The following TLN2 variants were observed in gnomAD, a reference collection of about 807,000 sequenced individuals.
The protein encoded by TLN2 is talin-2.
TLN2 carries 118 observed loss-of-function variants against 294.7 expected under a neutral mutation model. That is an observed-to-expected ratio of 0.40 (90% CI 0.34 to 0.47). The LOEUF is 0.47. Among genes scored for constraint, TLN2 ranks in the 20% least tolerant of loss-of-function variants. The pLI is 0.84. For missense variants in TLN2, 3,083 were observed against 3,282.2 expected (o/e 0.94, Z 1.48); for synonymous variants, 1,431 against 1,304.5 (o/e 1.10, Z -2.09).
chr15:62,777,530 CAAA>C (rs5813171), intron 43 of TLN2, among the ~76,000 whole-genome samples: 1 of 135,488 alleles, frequency 7.4e-6, no homozygotes, highest in Non-Finnish European at 1.6e-5. Context: ...GCGAAACTCT[CAAA>C]AAAAAAAAAA....
chr15:62,450,252 G>GC (rs747596573), intron 1 of TLN2, among the ~76,000 whole-genome samples: 4 of 152,174 alleles, frequency 2.6e-5, no homozygotes, highest in Non-Finnish European at 5.9e-5. Flanking sequence ...TGGAGCATGA[G>GC]CGGGGAATTG....
At chr15:62,683,073 T>C (rs1017532690) in intron 11 of TLN2, 1 of 152,238 alleles carries the variant, frequency 6.6e-6, no homozygotes, top group African/African-American at 2.4e-5. Context: ...GAAAGAAATA[T>C]ACTGAAGACA....
chr15:62,474,020 G>A (rs2037643492), intron 1 of TLN2, among the ~76,000 whole-genome samples: 2 of 152,212 alleles, frequency 1.3e-5, no homozygotes, highest in Admixed American at 6.5e-5. Flanking sequence ...CTTGAACCCC[G>A]GAGGCGGAAG....
At chr15:62,391,930 A>T (rs2032123058) in intron 1 of TLN2, among the ~76,000 whole-genome samples, 1 of 152,204 alleles carries the variant, frequency 6.6e-6, no homozygotes. Flanking sequence ...CCGAGTGTAG[A>T]GCGTTCTCCC....
rs1290984348 is a variant in TLN2, at chr15:62,752,358, C to T, written c.4263C>T (p.Leu1421=). 1.2e-6 allele frequency: 2 copies of T among 1,614,000 alleles called. No homozygotes were observed. The highest frequency in any genetic ancestry group is 2.7e-5 in the African/African-American group (2 of 74,890). The change falls in exon 35 of 59, where the codon CTC becomes CTT. Residue 1421 remains leucine (L), a synonymous_variant. Coordinates refer to ENST00000636159, the MANE Select transcript of TLN2 (RefSeq NM_015059.3). ...CACAGAATGCCAAGACCGGAGACCT[C>T]CCTGCCTTTGGGGAATGTGTGGGGA... ...GISQNAKTGD[L]PAFGECVGIA... is the part of the protein sequence containing the mutation.
chr15:62,772,788 G>A (rs534810876), intron 42 of TLN2, among the ~76,000 whole-genome samples: 4 of 151,842 alleles, frequency 2.6e-5, no homozygotes, highest in South Asian at 4.2e-4. Flanking sequence ...TCAGCCTCCC[G>A]GGTAGCTGGT....
intron 1 of TLN2, among the ~76,000 whole-genome samples, chr15:62,492,580 A>G (rs1238908341): frequency 6.6e-6 from 1 of 151,496 alleles, no homozygotes; most frequent in African/African-American, 2.4e-5. Flanking sequence ...AAAAAAAACT[A>G]TTCCAATAAT....
intron 1 of TLN2, among the ~76,000 whole-genome samples, chr15:62,408,339 G>A (rs1333138903): frequency 6.6e-6 from 1 of 152,184 alleles, no homozygotes; most frequent in Non-Finnish European, 1.5e-5. Flanking sequence ...AGAAACACCT[G>A]AATAAATTTT....
intron 50 of TLN2, among the ~76,000 whole-genome samples, chr15:62,804,260 AC>A (rs1224839090): frequency 6.6e-6 from 1 of 152,154 alleles, no homozygotes; most frequent in Non-Finnish European, 1.5e-5. Context: ...ATCCTGGGAA[AC>A]TACAGACACA....
At chr15:62,822,102 C>T (rs2067621138) in intron 54 of TLN2, among the ~76,000 whole-genome samples, 2 of 152,164 alleles carry the variant, frequency 1.3e-5, no homozygotes, top group Admixed American at 1.3e-4. Flanking sequence ...CAATGTCTTT[C>T]CCTTTGTCCT....
chr15:62,716,328 C>G lies in TLN2; in HGVS notation c.2635-3C>G. 6.3e-7 allele frequency: 1 copy of G among 1,590,192 alleles called. No individual in the cohort carries two copies. The highest frequency in any genetic ancestry group is 1.2e-5 in the South Asian group (1 of 86,520). ...CTTGAAATCTTTATTTTTGCCTTTG[C>G]AGGGGGCTGCAGCCAACCCAGAGAA... On this transcript the variant is annotated splice_polypyrimidine_tract_variant and splice_region_variant and intron_variant, in intron 22 of 58. Coordinates refer to ENST00000636159, the MANE Select transcript of TLN2 (RefSeq NM_015059.3).
chr15:62,838,817 G>T, intron 57 of TLN2, 39 bp from the exon 58 acceptor site: 1 of 1,605,520 alleles, frequency 6.2e-7, no homozygotes, highest in Non-Finnish European at 8.5e-7. Flanking sequence ...CCAAATGGCT[G>T]TTTCTAATGA....
At chr15:62,750,051 G>A (rs1418527801) in intron 33 of TLN2, among the ~76,000 whole-genome samples, 1 of 152,200 alleles carries the variant, frequency 6.6e-6, no homozygotes, top group Admixed American at 6.5e-5. Flanking sequence ...TTATCCTGCT[G>A]AGAAGTTGTG....
intron 3 of TLN2, among the ~76,000 whole-genome samples, chr15:62,635,968 A>G (rs1567229606): frequency 6.6e-6 from 1 of 151,628 alleles, no homozygotes; most frequent in African/African-American, 2.4e-5. Context: ...TCACATGACT[A>G]CTCTGTTTTG....
At chr15:62,667,642 G>A (rs542647103) in intron 9 of TLN2, among the ~76,000 whole-genome samples, 124 of 152,342 alleles carry the variant, frequency 8.1e-4, no homozygotes, top group Non-Finnish European at 1.5e-3. Context: ...TAGAGAAACG[G>A]TGACTTCCCT....
chr15:62,710,779 G>GC (rs11448286), intron 21 of TLN2, among the ~76,000 whole-genome samples: 121,189 of 143,752 alleles, frequency 0.84, 53,549 homozygotes, highest in Non-Finnish European at 0.97. Flanking sequence ...AGGCTGGAGA[G>GC]CAGTGACACA....
intron 1 of TLN2, among the ~76,000 whole-genome samples, chr15:62,455,830 G>T (rs1003294255): frequency 6.6e-6 from 1 of 152,046 alleles, no homozygotes; most frequent in Admixed American, 6.5e-5. Flanking sequence ...ATTCCCCAGC[G>T]TCCTGTCCTC....
chr15:62,516,383 A>C (rs1013223347), intron 1 of TLN2, among the ~76,000 whole-genome samples: 2 of 152,200 alleles, frequency 1.3e-5, no homozygotes, highest in East Asian at 3.8e-4. Context: ...TATATGGGTC[A>C]TAGGTTTATT....
chr15:62,536,947 A>G (rs2041387750), intron 1 of TLN2, among the ~76,000 whole-genome samples: 1 of 152,092 alleles, frequency 6.6e-6, no homozygotes, highest in African/African-American at 2.4e-5. Flanking sequence ...GCTGCTTGAG[A>G]ATGTACAATA....
Sources: gnomAD v4.1 joint callset for allele counts (sites outside exome capture counted in the v4.1 genomes callset) on GRCh38, gnomAD v4.1.1 for gene constraint, MANE v1.5 for transcripts, NCBI Gene and HGNC (gene_info 2026-07-23, HGNC 2026-07-21) for gene names.